The following SLIT3 variants were observed in gnomAD, a reference collection of about 807,000 sequenced individuals.
SLIT3 encodes the protein slit guidance ligand 3, also known as slit homolog 3 protein.
A neutral mutation model predicts 184.0 loss-of-function variants in SLIT3; 68 were observed. That is an observed-to-expected ratio of 0.37 (90% CI 0.30 to 0.45). The LOEUF (loss-of-function observed/expected upper bound fraction) is 0.45, where lower values mean the gene tolerates loss of function less well. Ranked by LOEUF, SLIT3 falls within the 20% of genes least tolerant of loss-of-function variation. The pLI is 1.00. For synonymous variants in SLIT3, 831 were observed against 828.6 expected (o/e 1.00, Z -0.05); for missense variants, 1,707 against 2,026.0 (o/e 0.84, Z 3.02).
In SLIT3 at chr5:168,931,023, C is replaced by G. The variant is rs969622334; in HGVS notation, c.414-47687G>C. ...TGGCAATGCCACTGCCTTCGTCTCCCCCTCTCCTGATAACCTGCTGACAGC... is the reference window on the plus strand; with the variant it reads ...TGGCAATGCCACTGCCTTCGTCTCCGCCTCTCCTGATAACCTGCTGACAGC... On this transcript the variant is annotated intron_variant, in intron 4 of 35. Coordinates refer to ENST00000519560, the MANE Select transcript of SLIT3 (RefSeq NM_003062.4). Among the ~76,000 whole-genome samples, 7 of 152,276 alleles carry G rather than the reference C, an allele frequency of 4.6e-5. No individual in the cohort carries two copies. The East Asian group carries it at 1.4e-3, about 29-fold the overall frequency.
At chr5:169,001,150 T>C (rs1021280052) in intron 4 of SLIT3, among the ~76,000 whole-genome samples, 1 of 152,228 alleles carries the variant, frequency 6.6e-6, no homozygotes, top group Non-Finnish European at 1.5e-5. Context: ...TTTTTATAAA[T>C]GAGCATCTGA....
At chr5:169,114,162 A>G (rs1165654130) in intron 4 of SLIT3, among the ~76,000 whole-genome samples, 1 of 152,172 alleles carries the variant, frequency 6.6e-6, no homozygotes, top group African/African-American at 2.4e-5. Context: ...GTGGAGTGTG[A>G]CCAGAGTAGG....
chr5:168,808,702 G>A (rs1158705864), intron 8 of SLIT3, among the ~76,000 whole-genome samples: 2 of 152,148 alleles, frequency 1.3e-5, no homozygotes, highest in African/African-American at 4.8e-5. Context: ...CTGAGAAGGA[G>A]TGAAAATACC....
Position 168,844,597 on chromosome 5 carries a change from C to T in SLIT3, c.544G>A (p.Asp182Asn), listed in dbSNP as rs143404872. The T allele has an allele frequency of 1.6e-5, 26 of 1,614,072 alleles. No homozygotes were observed. Among genetic ancestry groups the T allele is most frequent in the African/African-American group, 8.0e-5 (6 of 74,944 alleles). Residue 182 changes from aspartate to asparagine, a missense_variant, in exon 6 of 36, where the codon GAT becomes AAT. Asp to Asn is a conservative substitution (Grantham distance 23). Coordinates refer to ENST00000519560, the MANE Select transcript of SLIT3 (RefSeq NM_003062.4). Reference sequence around the variant, plus strand: ...AAATCAACTCACAGGATCTCCAAATCGCGCAGCGCTCGGAAGGCTCCATCT... The same window carrying T: ...AAATCAACTCACAGGATCTCCAAATTGCGCAGCGCTCGGAAGGCTCCATCT... ...IEDGAFRALR[D>N]LEILTLNNNN...
intron 1 of SLIT3, 85 bp from the exon 2 acceptor site, chr5:169,251,544 T>C: frequency 1.1e-6 from 1 of 915,500 alleles, no homozygotes; most frequent in Non-Finnish European, 1.8e-6. Flanking sequence ...ACTGAAGGGA[T>C]GTTGCTTGTC....
At chr5:168,709,831 G>GTTT (rs552127988) in intron 25 of SLIT3, among the ~76,000 whole-genome samples, 1 of 145,400 alleles carries the variant, frequency 6.9e-6, no homozygotes, top group African/African-American at 2.5e-5. Flanking sequence ...AATAAAAGGA[G>GTTT]TTTTTTTTTT....
chr5:168,945,438 A>G (rs1762443971), intron 4 of SLIT3, among the ~76,000 whole-genome samples: 2 of 152,118 alleles, frequency 1.3e-5, no homozygotes, highest in Non-Finnish European at 2.9e-5. Flanking sequence ...GGGTTTCACC[A>G]TGTTGGCCAG....
intron 4 of SLIT3, 84 bp from the exon 5 acceptor site, chr5:168,883,420 C>T (rs576321854): frequency 3.0e-5 from 32 of 1,074,338 alleles, no homozygotes; most frequent in African/African-American, 9.3e-5. Context: ...CAATCCCCCC[C>T]ACCCAGGCTG....
chr5:168,884,622 T>C (rs916665698), intron 4 of SLIT3, among the ~76,000 whole-genome samples: 20 of 135,148 alleles, frequency 1.5e-4, no homozygotes, highest in Non-Finnish European at 2.6e-4. Context: ...CAGTCTATTA[T>C]AACCTATTAT....
chr5:169,030,977 G>A (rs1435268556), intron 4 of SLIT3, among the ~76,000 whole-genome samples: 1 of 152,164 alleles, frequency 6.6e-6, no homozygotes, highest in Non-Finnish European at 1.5e-5. Flanking sequence ...AGGCAGACAG[G>A]GCTCAGGGTA....
intron 12 of SLIT3, among the ~76,000 whole-genome samples, chr5:168,775,124 G>A (rs1289585316): frequency 6.7e-6 from 1 of 149,674 alleles, no homozygotes; most frequent in Non-Finnish European, 1.5e-5. Context: ...TGCAACCTCC[G>A]CCTCTTGGGT....
chr5:169,165,769 C>T (rs950260113), intron 4 of SLIT3, among the ~76,000 whole-genome samples: 3 of 152,210 alleles, frequency 2.0e-5, no homozygotes, highest in African/African-American at 4.8e-5. Context: ...GCATGTATCA[C>T]TGTCCAACAT....
chr5:168,919,884 C>T (rs964899251), intron 4 of SLIT3, among the ~76,000 whole-genome samples: 2 of 152,028 alleles, frequency 1.3e-5, no homozygotes, highest in African/African-American at 4.8e-5. Context: ...TTCTTTGATG[C>T]GAGGTTTTGA....
chr5:169,186,115 C>T (rs1473689673), intron 4 of SLIT3, among the ~76,000 whole-genome samples: 1 of 152,184 alleles, frequency 6.6e-6, no homozygotes, highest in East Asian at 1.9e-4. Context: ...GCCCCTGACC[C>T]TCCCTCCCCG....
At chr5:169,207,225 C>T (rs1211390793) in intron 3 of SLIT3, among the ~76,000 whole-genome samples, 2 of 151,948 alleles carry the variant, frequency 1.3e-5, no homozygotes, top group African/African-American at 4.8e-5. Flanking sequence ...AACTTATTGG[C>T]GTTTCAAACT....
At chr5:169,117,763 G>A (rs1168759003) in intron 4 of SLIT3, among the ~76,000 whole-genome samples, 2 of 152,200 alleles carry the variant, frequency 1.3e-5, no homozygotes, top group African/African-American at 4.8e-5. Context: ...CTCAAAAGGA[G>A]AACTCTGTTT....
intron 32 of SLIT3, among the ~76,000 whole-genome samples, chr5:168,675,118 G>A (rs536230688): frequency 2.0e-5 from 3 of 152,294 alleles, no homozygotes; most frequent in South Asian, 2.1e-4. Context: ...AGTGGTGGGA[G>A]ATGATGGGAG....
intron 15 of SLIT3, among the ~76,000 whole-genome samples, chr5:168,762,018 C>G (rs1202404914): frequency 6.6e-6 from 1 of 150,598 alleles, no homozygotes; most frequent in African/African-American, 2.5e-5. Context: ...TGATCCTCTC[C>G]CCCTGGCCTC....
chr5:169,066,814 T>C (rs937340082), intron 4 of SLIT3, among the ~76,000 whole-genome samples: 3 of 152,146 alleles, frequency 2.0e-5, no homozygotes, highest in Non-Finnish European at 4.4e-5. Flanking sequence ...CAGAGATTAA[T>C]AAGTTATGGT....
Sources: allele counts gnomAD v4.1 joint callset (sites outside exome capture counted in the v4.1 genomes callset), GRCh38; gene constraint gnomAD v4.1.1; transcripts MANE v1.5; gene names NCBI Gene and HGNC (gene_info 2026-07-23, HGNC 2026-07-21).